SEMA3A: variants seen among roughly 807,000 people sequenced by gnomAD.
SEMA3A encodes the protein semaphorin 3A, also known as semaphorin-3A.
SEMA3A carries 29 observed loss-of-function variants against 97.9 expected under a neutral mutation model. The ratio of observed to expected loss-of-function variants is 0.30; its 90% CI spans 0.22 to 0.40. The LOEUF is 0.40. SEMA3A is among the 10% of genes least tolerant of loss of function. The probability of loss-of-function intolerance (pLI) is 1.00; values close to 1 mark genes in which losing one functional copy is unlikely to be tolerated. For missense variants in SEMA3A, 763 were observed against 951.3 expected, an observed-to-expected ratio of 0.80 and a Z score of 2.60; for synonymous variants, 321 against 323.7, an observed-to-expected ratio of 0.99 and a Z score of 0.09.
At chr7:84,213,432 C>T (rs139477251) in intron 3 of SEMA3A, among the ~76,000 whole-genome samples, 166 of 152,266 alleles carry the variant, frequency 1.1e-3, no homozygotes, top group African/African-American at 3.5e-3. Flanking sequence ...GCATGTACAA[C>T]CACACTCAGC....
At chr7:84,490,532 G>A (rs1806696216) in intron 1 of SEMA3A, among the ~76,000 whole-genome samples, 1 of 152,066 alleles carries the variant, frequency 6.6e-6, no homozygotes, top group South Asian at 2.1e-4. Context: ...TTTGGATAAA[G>A]AGTAAAATTT....
chr7:84,169,445 A>G (rs2116197220), intron 1 of SEMA3A, among the ~76,000 whole-genome samples: 1 of 150,520 alleles, frequency 6.6e-6, no homozygotes, highest in Non-Finnish European at 1.5e-5. Flanking sequence ...CTTCACTATA[A>G]GTTTTGTTTA....
intron 4 of SEMA3A, among the ~76,000 whole-genome samples, chr7:84,105,363 C>G (rs991827314): frequency 4.6e-5 from 7 of 152,056 alleles, no homozygotes; most frequent in African/African-American, 1.7e-4. Flanking sequence ...AGGATTGATT[C>G]AAAGTTTTGC....
intron 1 of SEMA3A, among the ~76,000 whole-genome samples, chr7:84,463,174 C>CCAAG (rs1805897405): frequency 6.6e-6 from 1 of 150,450 alleles, no homozygotes; most frequent in African/African-American, 2.5e-5. Context: ...GTGCATTATT[C>CCAAG]CAAGGCAATA....
intron 2 of SEMA3A, among the ~76,000 whole-genome samples, chr7:84,366,162 A>T (rs569683132): frequency 6.6e-6 from 1 of 151,276 alleles, no homozygotes; most frequent in African/African-American, 2.4e-5. Context: ...TTCTCCATTA[A>T]TTTTTTTACT....
At chr7:84,306,249 T>G (rs944304241) in intron 3 of SEMA3A, 23 of 152,066 alleles carry the variant, frequency 1.5e-4, no homozygotes, top group Admixed American at 2.6e-4. Flanking sequence ...TTGGTACTAA[T>G]ATGAATAACC....
chr7:84,256,994 G>C (rs11976376), intron 3 of SEMA3A, among the ~76,000 whole-genome samples: 2,617 of 151,742 alleles, frequency 0.017, 78 homozygotes, highest in African/African-American at 0.06. Flanking sequence ...GTTTTCTCAC[G>C]GCATAGGTAT....
chr7:84,464,739 A>G (rs1465643343), intron 1 of SEMA3A, among the ~76,000 whole-genome samples: 1 of 152,226 alleles, frequency 6.6e-6, no homozygotes, highest in African/African-American at 2.4e-5. Flanking sequence ...ACAGATATCA[A>G]AGACGGGGAA....
chr7:84,267,340 G>C (rs1800032241), intron 3 of SEMA3A, among the ~76,000 whole-genome samples: 1 of 152,024 alleles, frequency 6.6e-6, no homozygotes, highest in Non-Finnish European at 1.5e-5. Flanking sequence ...TCTTACACAT[G>C]CATGTACACA....
At chr7:84,265,099 C>T (rs1038436928) in intron 3 of SEMA3A, among the ~76,000 whole-genome samples, 10 of 151,998 alleles carry the variant, frequency 6.6e-5, no homozygotes, top group Non-Finnish European at 1.3e-4. Flanking sequence ...ATTTTCAAAA[C>T]GTTATGTGGA....
intron 4 of SEMA3A, among the ~76,000 whole-genome samples, chr7:84,063,630 C>T (rs1793348646): frequency 2.0e-5 from 3 of 151,330 alleles, no homozygotes; most frequent in Admixed American, 2.0e-4. Flanking sequence ...ATGCAGAAGC[C>T]TCAGGAGACG....
chr7:84,272,633 C>T (rs1477969425), intron 3 of SEMA3A, among the ~76,000 whole-genome samples: 2 of 151,928 alleles, frequency 1.3e-5, no homozygotes, highest in African/African-American at 4.8e-5. Flanking sequence ...ATTCTTCAAG[C>T]TTTTATTGAT....
intron 12 of SEMA3A, among the ~76,000 whole-genome samples, chr7:83,989,096 A>G (rs1789771231): frequency 6.6e-6 from 1 of 152,180 alleles, no homozygotes; most frequent in Non-Finnish European, 1.5e-5. Flanking sequence ...CACATGAAAA[A>G]TAGTTATGTG....
chr7:84,034,137 C>A (rs774545622), intron 6 of SEMA3A, among the ~76,000 whole-genome samples: 1 of 152,000 alleles, frequency 6.6e-6, no homozygotes, highest in Non-Finnish European at 1.5e-5. Context: ...GCACATACCA[C>A]CACACCTGGC....
intron 6 of SEMA3A, among the ~76,000 whole-genome samples, chr7:84,043,300 A>C (rs1583862202): frequency 6.6e-6 from 1 of 152,154 alleles, no homozygotes; most frequent in East Asian, 1.9e-4. Flanking sequence ...TTATCATATA[A>C]ATTTTCTAAT....
chr7:84,005,335 T>C lies in SEMA3A; in HGVS notation c.1360+4A>G. The C allele has an allele frequency of 1.2e-6, 2 of 1,606,432 alleles. No homozygotes were observed. Among genetic ancestry groups the C allele is most frequent in the Middle Eastern group, 1.7e-4 (1 of 6,044 alleles). On this transcript the variant is annotated splice_donor_region_variant and intron_variant, in intron 11 of 16. Transcript: ENST00000265362. ...AAGTTTACAGCTGAAATTTAAAAATTTACCTGTTCCGATAAACATAACATC... is the reference window on the plus strand; with the variant it reads ...AAGTTTACAGCTGAAATTTAAAAATCTACCTGTTCCGATAAACATAACATC...
intron 3 of SEMA3A, among the ~76,000 whole-genome samples, chr7:84,304,088 G>A (rs2115836995): frequency 6.6e-6 from 1 of 152,088 alleles, no homozygotes; most frequent in Middle Eastern, 3.4e-3. Flanking sequence ...CTTTAAACTG[G>A]TGTGTGGAGG....
intron 3 of SEMA3A, among the ~76,000 whole-genome samples, chr7:84,260,334 CAGG>C (rs973681414): frequency 1.1e-4 from 16 of 152,110 alleles, no homozygotes; most frequent in African/African-American, 3.6e-4. Flanking sequence ...ATGCCAGCTG[CAGG>C]AGGAGAGGTG....
At chr7:84,265,469 AAT>A (rs1477111155) in intron 3 of SEMA3A, among the ~76,000 whole-genome samples, 5 of 147,504 alleles carry the variant, frequency 3.4e-5, no homozygotes, top group Admixed American at 6.8e-5. Flanking sequence ...ATACAAGATG[AAT>A]ATATCTTATA....
Sources: gnomAD v4.1 joint callset for allele counts (sites outside exome capture counted in the v4.1 genomes callset) on GRCh38, gnomAD v4.1.1 for gene constraint, MANE v1.5 for transcripts, NCBI Gene and HGNC (gene_info 2026-07-23, HGNC 2026-07-21) for gene names.